The following SPAG6 variants were observed in gnomAD, a reference collection of about 807,000 sequenced individuals.
The protein encoded by SPAG6 is sperm-associated antigen 6.
In SPAG6, 49 loss-of-function variants were observed where a neutral mutation model predicts 58.5. The ratio of observed to expected loss-of-function variants is 0.84; its 90% CI spans 0.67 to 1.06. The LOEUF (loss-of-function observed/expected upper bound fraction) is 1.06. SPAG6 is among the 50% of genes least tolerant of loss of function. The pLI is 0.00. For missense variants in SPAG6, 560 were observed against 611.3 expected (o/e 0.92, Z 0.89); for synonymous variants, 233 against 225.6 (o/e 1.03, Z -0.29).
At chr10:22,370,998 G>A (rs2132057900) in intron 4 of SPAG6, among the ~76,000 whole-genome samples, 1 of 152,190 alleles carries the variant, frequency 6.6e-6, no homozygotes, top group Non-Finnish European at 1.5e-5. Flanking sequence ...TTGAGTCTGG[G>A]GCAAAATGAT....
chr10:22,370,440 G>A (rs1833657285), intron 4 of SPAG6, among the ~76,000 whole-genome samples: 1 of 152,136 alleles, frequency 6.6e-6, no homozygotes, highest in South Asian at 2.1e-4. Context: ...TTATGTTAAT[G>A]GTGGAACTGG....
intron 8 of SPAG6, among the ~76,000 whole-genome samples, chr10:22,399,082 GTGC>G (rs575354874): frequency 8.5e-4 from 129 of 152,276 alleles, no homozygotes; most frequent in African/African-American, 2.9e-3. Flanking sequence ...GCCTCCCAAA[GTGC>G]TGGGATTACA....
chr10:22,379,012 T>C, intron 4 of SPAG6, among the ~76,000 whole-genome samples: 1 of 152,174 alleles, frequency 6.6e-6, no homozygotes, highest in Non-Finnish European at 1.5e-5. Flanking sequence ...ACTCAACCCA[T>C]GTGTTAGGGT....
Position 22,387,843 on chromosome 10 carries a change from C to T in SPAG6, c.699C>T (p.Leu233=). 1 of 1,611,656 alleles carries T rather than the reference C, an allele frequency of 6.2e-7. No individual in the cohort carries two copies. Among genetic ancestry groups the T allele is most frequent in the South Asian group, 1.1e-5 (1 of 90,538 alleles). ...AKLKHQILSA[L]SQVSKHSVDL... is the part of the protein sequence containing the mutation. Reference sequence around the variant, plus strand: ...CACAGCATCAGATCCTTTCAGCTCTCAGTCAGGTTTCAAAACATTCCGTGG... The same window carrying T: ...CACAGCATCAGATCCTTTCAGCTCTTAGTCAGGTTTCAAAACATTCCGTGG... Residue 233 remains leucine (L), a synonymous_variant, in exon 6 of 11, where the codon CTC becomes CTT. Transcript: ENST00000376624.
chr10:22,411,326 C>A, intron 10 of SPAG6, 150 bp downstream of exon 10: 1 of 565,016 alleles, frequency 1.8e-6, no homozygotes, highest in Non-Finnish European at 3.0e-6. Flanking sequence ...ATCTCTTCCC[C>A]CTGCCAAATT....
chr10:22,364,985 T>A lies in SPAG6; in HGVS notation c.254T>A (p.Leu85His). The change falls in exon 3 of 11, where the codon CTT (leucine) becomes CAT (histidine). Residue 85 changes from leucine to histidine, a missense_variant. Leu to His is a moderately conservative substitution (Grantham distance 99). Coordinates refer to ENST00000376624, the MANE Select transcript of SPAG6 (RefSeq NM_012443.4). ...LAEAVVKCDI[L>H]PQLVYSLAEQ... ...GAAGCTGTTGTGAAGTGCGACATTCTTCCACAGCTTGTTTATTCATTGGCA... is the reference window on the plus strand; with the variant it reads ...GAAGCTGTTGTGAAGTGCGACATTCATCCACAGCTTGTTTATTCATTGGCA... 2 of 1,610,204 alleles carry A rather than the reference T, an allele frequency of 1.2e-6. No homozygotes were observed. Among genetic ancestry groups the A allele is most frequent in the South Asian group, 2.2e-5 (2 of 90,000 alleles).
intron 4 of SPAG6, 45 bp downstream of exon 4, chr10:22,368,723 C>G: frequency 6.8e-7 from 1 of 1,467,788 alleles, no homozygotes; most frequent in Non-Finnish European, 9.4e-7. Flanking sequence ...AGGATTATTA[C>G]AATTCAGATT....
intron 2 of SPAG6, among the ~76,000 whole-genome samples, chr10:22,362,613 C>T (rs982112847): frequency 2.0e-5 from 3 of 151,806 alleles, no homozygotes; most frequent in African/African-American, 4.8e-5. Flanking sequence ...GTGCAGTGAA[C>T]TCAGTTATTT....
At chr10:22,402,851 G>C (rs1450357474) in intron 9 of SPAG6, among the ~76,000 whole-genome samples, 1 of 152,148 alleles carries the variant, frequency 6.6e-6, no homozygotes, top group Non-Finnish European at 1.5e-5. Flanking sequence ...AAGGGGTAAG[G>C]GGCTGAGTAG....
In SPAG6 at chr10:22,405,719, C is replaced by T. The variant is rs1035190097; in HGVS notation, c.1314+4442C>T. Among the ~76,000 whole-genome samples, 1,277 of 152,002 alleles carry T rather than the reference C, an allele frequency of 8.4e-3. 18 individuals are homozygous for T. Among genetic ancestry groups the T allele is most frequent in the African/African-American group, 0.03 (1,221 of 41,264 alleles). On this transcript the variant is annotated intron_variant, in intron 9 of 10. Coordinates refer to ENST00000376624, the MANE Select transcript of SPAG6 (RefSeq NM_012443.4). ...ATAGTTTCAGAAGGAATGGTACCAG[C>T]TCCTCCTTGTACGTCTGGTAGAATT...
At chr10:22,393,485 T>C (rs1172026639) in intron 8 of SPAG6, among the ~76,000 whole-genome samples, 1 of 152,178 alleles carries the variant, frequency 6.6e-6, no homozygotes, top group Admixed American at 6.5e-5. Context: ...TGTATACATA[T>C]CACTGGAGAA....
rs1178440038 is a variant in SPAG6, at chr10:22,386,762, C to G, written c.481C>G (p.Gln161Glu). 1 of 1,613,190 alleles carries G rather than the reference C, an allele frequency of 6.2e-7. No homozygotes were observed. Among genetic ancestry groups the G allele is most frequent in the Non-Finnish European group, 8.5e-7 (1 of 1,179,258 alleles). ...YIARHNAELS[Q>E]AVVDAGAVPL... ...TTTTCTTGGACCCACAGAACTGTCA[C>G]AAGCTGTGGTGGATGCAGGAGCTGT... Residue 161 changes from glutamine (Q) to glutamate (E), a missense_variant, in exon 5 of 11, where the codon CAA becomes GAA. Coordinates refer to ENST00000376624, the MANE Select transcript of SPAG6 (RefSeq NM_012443.4).
At chr10:22,360,604 A>G (rs1483706992) in intron 2 of SPAG6, among the ~76,000 whole-genome samples, 2 of 152,202 alleles carry the variant, frequency 1.3e-5, no homozygotes, top group African/African-American at 2.4e-5. Context: ...ATATTTTCAC[A>G]CAATTTAATC....
chr10:22,366,480 A>G (rs78896442), intron 3 of SPAG6, among the ~76,000 whole-genome samples: 4,886 of 152,310 alleles, frequency 0.032, 285 homozygotes, highest in African/African-American at 0.11. Context: ...CTAGAACTAT[A>G]TAGTGGTGAT....
Position 22,401,454 on chromosome 10 carries a change from C to T in SPAG6, c.1314+177C>T, listed in dbSNP as rs1020417291. On this transcript the variant is annotated intron_variant, in intron 9 of 10. Coordinates refer to ENST00000376624, the MANE Select transcript of SPAG6 (RefSeq NM_012443.4). ...TAATAAAATTCACATGTAAATAAAACACTTTCTTCATCCTCACATTTTCCT... is the reference window on the plus strand; with the variant it reads ...TAATAAAATTCACATGTAAATAAAATACTTTCTTCATCCTCACATTTTCCT... 7.9e-5 allele frequency among the ~76,000 whole-genome samples: 12 copies of T among 152,124 alleles called. No homozygotes were observed. In the Middle Eastern group the frequency reaches 0.01, roughly 129 times the overall value.
intron 8 of SPAG6, among the ~76,000 whole-genome samples, chr10:22,400,517 A>G (rs1834387409): frequency 6.6e-6 from 1 of 151,852 alleles, no homozygotes; most frequent in Non-Finnish European, 1.5e-5. Flanking sequence ...AGGAGGGGGT[A>G]GAAATGGTAC....
intron 2 of SPAG6, among the ~76,000 whole-genome samples, chr10:22,358,659 G>A (rs1836941664): frequency 6.6e-6 from 1 of 151,798 alleles, no homozygotes; most frequent in Non-Finnish European, 1.5e-5. Context: ...CCTTGCCCAT[G>A]CCTATGTCCT....
chr10:22,360,855 A>AATGGCAGGT (rs1413466296), intron 2 of SPAG6: 1 of 1,522,916 alleles, frequency 6.6e-7, no homozygotes, highest in East Asian at 2.5e-5. Flanking sequence ...CTGGATACCT[A>AATGGCAGGT]ATGGACAGGC....
At position 22,417,175 on chromosome 10, in the gene SPAG6, A is replaced by G. The variant is rs529730924; in HGVS notation, c.*487A>G. 6.6e-6 allele frequency: 1 copy of G among 152,484 alleles called. No homozygotes were observed. The highest frequency in any genetic ancestry group is 6.5e-5 in the Admixed American group (1 of 15,308). The allele number at this position is 152,484 out of a possible 1,614,324, so 9.4% of individuals were successfully genotyped here. ...CTTGAAGGAGACTCTGATGCTAGTTATATAAGTGCATTAACTTAAGACACG... is the reference window on the plus strand; with the variant it reads ...CTTGAAGGAGACTCTGATGCTAGTTGTATAAGTGCATTAACTTAAGACACG... On this transcript the variant is annotated 3_prime_UTR_variant, in exon 11 of 11. Transcript: ENST00000376624.
Sources: allele counts gnomAD v4.1 joint callset (sites outside exome capture counted in the v4.1 genomes callset), GRCh38; gene constraint gnomAD v4.1.1; transcripts MANE v1.5; gene names NCBI Gene and HGNC (gene_info 2026-07-23, HGNC 2026-07-21).